Variants in RIIAD1 observed in about 807,000 individuals in gnomAD.
RIIAD1 encodes the protein regulatory subunit of type II PKA R-subunit domain containing 1.
In RIIAD1, 15 loss-of-function variants were observed where a neutral mutation model predicts 13.3. The observed-to-expected ratio is 1.13, with a 90% confidence interval of 0.76 to 1.74. The LOEUF is 1.74. RIIAD1 is among the 40% of genes most tolerant of loss of function. The pLI is 0.00. For synonymous variants in RIIAD1, 50 were observed against 43.3 expected, an observed-to-expected ratio of 1.16 and a Z score of -0.61; for missense variants, 121 against 112.2, an observed-to-expected ratio of 1.08 and a Z score of -0.35.
rs879942565 is a variant in RIIAD1, at chr1:151,721,922, A to G, written c.85-164A>G. The G allele has an allele frequency of 1.0e-4, 64 of 622,380 alleles. 1 individual carries two copies. Among genetic ancestry groups the G allele is most frequent in the Non-Finnish European group, 1.4e-4 (48 of 345,912 alleles). The allele number at this position is 622,380 out of a possible 1,614,324, so 38.6% of individuals were successfully genotyped here. ...GCCCCTCATCCTGAACAAGCGGCAG[A>G]ATGATATTTTATCTGTAAGAAGATG... On this transcript the variant is annotated intron_variant, in intron 1 of 4. Coordinates refer to ENST00000479191, the MANE Select transcript of RIIAD1 (RefSeq NM_001144956.3).
Position 151,721,622 on chromosome 1 carries a change from TG to T in RIIAD1, c.84+5del. On this transcript the variant is annotated splice_donor_region_variant and intron_variant, in intron 1 of 4. Transcript: ENST00000479191. ...CTGGAGCAGCTGCGAAAATTCAAGG[TG>T]GGTGCGCCCGCGCCCCCATCCAGCG... The T allele has an allele frequency of 7.8e-7, 1 of 1,283,196 alleles. No individual in the cohort carries two copies. The highest frequency in any genetic ancestry group is 2.4e-5 in the South Asian group (1 of 41,916). The allele number at this position is 1,283,196 out of a possible 1,614,324, so 79.5% of individuals were successfully genotyped here.
upstream of RIIAD1, among the ~76,000 whole-genome samples, chr1:151,719,336 A>G (rs1473396791): frequency 6.6e-6 from 1 of 152,246 alleles, no homozygotes; most frequent in East Asian, 1.9e-4. Context: ...TAGGAGAGAG[A>G]GAGGCTTCCA....
intron 2 of RIIAD1, among the ~76,000 whole-genome samples, chr1:151,712,272 G>A (rs58673268): frequency 0.013 from 2,047 of 152,276 alleles, 48 homozygotes; most frequent in African/African-American, 0.047. Flanking sequence ...ACCCAGTATA[G>A]CCGAGCCCCT....
At chr1:151,728,628 G>T in intron 3 of RIIAD1, 138 bp from the exon 4 acceptor site, 1 of 655,078 alleles carries the variant, frequency 1.5e-6, no homozygotes, top group Non-Finnish European at 2.8e-6. Context: ...ATATTACATT[G>T]TAAAGCAGGG....
At chr1:151,714,517 T>G in exon 4 of RIIAD1, 1 of 1,010,502 alleles carries the variant, frequency 9.9e-7, no homozygotes, top group Non-Finnish European at 1.5e-6. Flanking sequence ...TTATGCTCAG[T>G]GTCAGGAGGG....
rs1260825843 is a variant in RIIAD1 at position 151,728,762 on chromosome 1, C to G, written c.209-4C>G. On this transcript the variant is annotated splice_region_variant and splice_polypyrimidine_tract_variant and intron_variant, in intron 3 of 4. Transcript: ENST00000479191. ...TGATGTCTTCTTTTTGATTTTTATC[C>G]CAGACTACTTCACGGATCCAAGACT... is the stretch of plus-strand genomic sequence containing the variant. 1.3e-6 allele frequency: 2 copies of G among 1,511,424 alleles called. No homozygotes were observed. Among genetic ancestry groups the G allele is most frequent in the African/African-American group, 1.4e-5 (1 of 72,134 alleles). 93.6% of individuals were successfully genotyped at this position (1,511,424 alleles called of 1,614,324 possible).
chr1:151,715,929 C>T, intron 4 of RIIAD1: 1 of 1,614,194 alleles, frequency 6.2e-7, no homozygotes, highest in Non-Finnish European at 8.5e-7. Context: ...AAAGATCCGA[C>T]CAAACTGTTC....
chr1:151,717,490 G>A (rs1045624963), upstream of RIIAD1, among the ~76,000 whole-genome samples: 2 of 152,272 alleles, frequency 1.3e-5, no homozygotes, highest in Admixed American at 6.5e-5. Flanking sequence ...CAGGGAGGCC[G>A]CGGAGGCGGC....
intron 2 of RIIAD1, among the ~76,000 whole-genome samples, chr1:151,722,709 T>C (rs548656945): frequency 6.6e-6 from 1 of 152,364 alleles, no homozygotes; most frequent in African/African-American, 2.4e-5. Context: ...AAGGTTTAAA[T>C]AATTATAATG....
chr1:151,722,443 C>T (rs753174450), intron 2 of RIIAD1, among the ~76,000 whole-genome samples: 17 of 152,170 alleles, frequency 1.1e-4, no homozygotes, highest in Non-Finnish European at 1.9e-4. Context: ...TGGCCCTTCC[C>T]TACTTGAAAA....
At chr1:151,714,351 G>A (rs1010168602) in intron 3 of RIIAD1, 5 of 610,140 alleles carry the variant, frequency 8.2e-6, no homozygotes, top group Non-Finnish European at 1.5e-5. Flanking sequence ...GGGAAGTGGG[G>A]AAGGGGCTGC....
intron 2 of RIIAD1, 87 bp from the exon 3 acceptor site, chr1:151,727,488 T>C: frequency 2.4e-6 from 2 of 843,238 alleles, no homozygotes; most frequent in South Asian, 2.9e-5. Context: ...CTCAGGTTCA[T>C]CTGTGAAAGT....
At chr1:151,712,840 T>A (rs1209647351) in intron 2 of RIIAD1, among the ~76,000 whole-genome samples, 4 of 151,920 alleles carry the variant, frequency 2.6e-5, no homozygotes, top group Non-Finnish European at 5.9e-5. Context: ...TAGGAAGGCA[T>A]GGAGATTAAA....
At chr1:151,719,788 G>A, upstream of RIIAD1, 1 of 608,388 alleles carries the variant, frequency 1.6e-6, no homozygotes, top group Non-Finnish European at 2.9e-6. Flanking sequence ...GTCATAGGAT[G>A]TGATCAGTGA....
upstream of RIIAD1, among the ~76,000 whole-genome samples, chr1:151,719,301 A>C (rs1393074778): frequency 6.6e-6 from 1 of 152,158 alleles, no homozygotes; most frequent in African/African-American, 2.4e-5. Context: ...TGAGACTCAG[A>C]TGCCTATTCT....
At chr1:151,719,731 G>A (rs955079074), upstream of RIIAD1, 7 of 662,346 alleles carry the variant, frequency 1.1e-5, no homozygotes, top group Non-Finnish European at 1.6e-5. Flanking sequence ...GTACTGAGAC[G>A]CTGTTAAAAA....
At chr1:151,728,923 G>A in intron 4 of RIIAD1, 30 bp downstream of exon 4, 1 of 730,664 alleles carries the variant, frequency 1.4e-6, no homozygotes, top group South Asian at 1.5e-5. Flanking sequence ...ACAGACAGAG[G>A]CTTCTTTACT....
rs1038643355 is a variant in RIIAD1, at chr1:151,723,226, C to T, written c.161+1064C>T. On this transcript the variant is annotated intron_variant, in intron 2 of 4. Coordinates refer to ENST00000479191, the MANE Select transcript of RIIAD1 (RefSeq NM_001144956.3). Reference sequence around the variant, plus strand: ...CCTGACCAACATGGTGAAACCCCGTCTCTACTAAAAATACAAAATTAGCCA... The same window carrying T: ...CCTGACCAACATGGTGAAACCCCGTTTCTACTAAAAATACAAAATTAGCCA... 5.3e-5 allele frequency among the ~76,000 whole-genome samples: 8 copies of T among 152,076 alleles called. 1 individual carries two copies. The highest frequency in any genetic ancestry group is 6.3e-3 in the Middle Eastern group (2 of 316).
intron 4 of RIIAD1, chr1:151,715,551 C>A: frequency 8.1e-7 from 1 of 1,238,394 alleles, no homozygotes; most frequent in Non-Finnish European, 1.1e-6. Context: ...TACCCAGCTG[C>A]TTATCTCCCA....
Sources: allele counts gnomAD v4.1 joint callset (sites outside exome capture counted in the v4.1 genomes callset), GRCh38; gene constraint gnomAD v4.1.1; transcripts MANE v1.5; gene names NCBI Gene and HGNC (gene_info 2026-07-23, HGNC 2026-07-21).